The following MACF1 variants were observed in gnomAD, a reference collection of about 807,000 sequenced individuals.
The protein encoded by MACF1 is microtubule actin crosslinking factor 1.
MACF1 carries 193 observed loss-of-function variants against 854.8 expected under a neutral mutation model. That is an observed-to-expected ratio of 0.23 (90% confidence interval 0.20 to 0.25). The LOEUF (loss-of-function observed/expected upper bound fraction) is 0.25, where lower values mean the gene tolerates loss of function less well. Among genes scored for constraint, MACF1 ranks in the 10% least tolerant of loss-of-function variants. MACF1 has a pLI of 1.00. For missense variants in MACF1, 7,722 were observed against 8,929.1 expected (o/e 0.86, Z 5.45); for synonymous variants, 3,185 against 3,226.7 (o/e 0.99, Z 0.44).
chr1:39,431,123 A>G (rs567077680), intron 66 of MACF1, among the ~76,000 whole-genome samples: 26 of 152,302 alleles, frequency 1.7e-4, no homozygotes, highest in African/African-American at 6.0e-4. Context: ...TTGAGTAGAG[A>G]AGTACTTGGA....
chr1:39,231,480 T>G (rs114773878), intron 2 of MACF1, among the ~76,000 whole-genome samples: 3,032 of 152,242 alleles, frequency 0.02, 107 homozygotes, highest in African/African-American at 0.07. Flanking sequence ...GCCTCCAAAG[T>G]GCTGGGATTA....
At chr1:39,436,565 T>A in intron 70 of MACF1, 2 of 1,360,962 alleles carry the variant, frequency 1.5e-6, no homozygotes, top group Non-Finnish European at 2.1e-6. Flanking sequence ...TGTAAGGGAA[T>A]TTCCCTTAAC....
chr1:39,163,141 A>G (rs897423488), intron 2 of MACF1, among the ~76,000 whole-genome samples: 2 of 152,124 alleles, frequency 1.3e-5, no homozygotes, highest in African/African-American at 2.4e-5. Context: ...TCACGAGGTC[A>G]GGAGATCCAG....
chr1:39,368,030 C>A, intron 49 of MACF1, 118 bp from the exon 50 acceptor site: 3 of 614,242 alleles, frequency 4.9e-6, no homozygotes, highest in Non-Finnish European at 7.9e-6. Flanking sequence ...CACTGAGTTG[C>A]ATATTTATTG....
intron 2 of MACF1, among the ~76,000 whole-genome samples, chr1:39,132,263 A>T (rs556115516): frequency 6.6e-6 from 1 of 152,338 alleles, no homozygotes; most frequent in African/African-American, 2.4e-5. Flanking sequence ...ACACCCAGTC[A>T]CAACCTCAGG....
intron 43 of MACF1, among the ~76,000 whole-genome samples, chr1:39,352,412 T>C (rs1210899568): frequency 6.6e-6 from 1 of 152,212 alleles, no homozygotes; most frequent in Non-Finnish European, 1.5e-5. Context: ...GTGCTATTTC[T>C]TACCCTACCA....
At chr1:39,086,391 C>A (rs892466375) in intron 2 of MACF1, among the ~76,000 whole-genome samples, 1 of 152,144 alleles carries the variant, frequency 6.6e-6, no homozygotes, top group Admixed American at 6.5e-5. Context: ...TAGTGGGCAA[C>A]GAGGAGTCCT....
At chr1:39,137,878 A>G (rs1390613252) in intron 2 of MACF1, among the ~76,000 whole-genome samples, 1 of 151,778 alleles carries the variant, frequency 6.6e-6, no homozygotes, top group Non-Finnish European at 1.5e-5. Flanking sequence ...GTTTGAGACC[A>G]GCCTGGCCAA....
chr1:39,200,019 T>C (rs1023471727), upstream of MACF1, among the ~76,000 whole-genome samples: 3 of 152,222 alleles, frequency 2.0e-5, no homozygotes, highest in African/African-American at 7.2e-5. Flanking sequence ...TTTTTCCCTG[T>C]CCTTGATTAT....
At chr1:39,426,843 G>GT (rs552366113) in intron 61 of MACF1, among the ~76,000 whole-genome samples, 127 of 151,098 alleles carry the variant, frequency 8.4e-4, no homozygotes, top group African/African-American at 2.8e-3. Flanking sequence ...TTTCTTTTTT[G>GT]TTTTTTTGCC....
At position 39,461,203 on chromosome 1, in the gene MACF1, A is replaced by G. The variant is rs540542975; in HGVS notation, c.21523+409A>G. ...TATAAATAGTCACACTTCCCTTTGT[A>G]TAGCAATTTGTTTAGAATCTAAGAC... On this transcript the variant is annotated intron_variant, in intron 92 of 100. Coordinates refer to ENST00000564288, the MANE Select transcript of MACF1 (RefSeq NM_001394062.1). 3.3e-5 allele frequency among the ~76,000 whole-genome samples: 5 copies of G among 152,208 alleles called. 1 individual carries two copies. In the South Asian group the frequency reaches 1.0e-3, roughly 32 times the overall value.
intron 66 of MACF1, among the ~76,000 whole-genome samples, chr1:39,431,600 G>A (rs956344983): frequency 6.6e-6 from 1 of 152,132 alleles, no homozygotes; most frequent in African/African-American, 2.4e-5. Context: ...ATTTCAATAT[G>A]AAATGTATTG....
In MACF1 at chr1:39,443,430, A is replaced by G. The variant is rs757014891; in HGVS notation, c.19303-16A>G. ...AAATGACTACTGACATGGTTGATAT[A>G]TCTTTTTCTCAAAAGGCCCAGGGCT... On this transcript the variant is annotated splice_polypyrimidine_tract_variant and intron_variant, in intron 78 of 100. Transcript: ENST00000564288. The G allele has an allele frequency of 6.2e-7, 1 of 1,600,336 alleles. No homozygotes were observed. Among genetic ancestry groups the G allele is most frequent in the South Asian group, 1.1e-5 (1 of 88,584 alleles).
chr1:39,418,738 C>T (rs1006301908), intron 58 of MACF1, among the ~76,000 whole-genome samples: 1 of 152,134 alleles, frequency 6.6e-6, no homozygotes, highest in African/African-American at 2.4e-5. Context: ...TGGCGCATGC[C>T]TGTAGTCCCC....
At chr1:39,369,308 T>G (rs1381064580) in intron 50 of MACF1, among the ~76,000 whole-genome samples, 3 of 152,204 alleles carry the variant, frequency 2.0e-5, no homozygotes, top group Non-Finnish European at 4.4e-5. Flanking sequence ...TGAACAAGAC[T>G]TCTTATCTAA....
rs1329094581 is a variant in MACF1 at position 39,385,623 on chromosome 1, C to G, written c.14038C>G (p.Gln4680Glu). Reference protein sequence around the residue: ...KLNSRSSQIDQAIVKSTQYQE... With the variant: ...KLNSRSSQIDEAIVKSTQYQE... ...CAACTCCCGTTCCAGCCAAATTGAC[C>G]AAGCTATTGTTAAGAGCACCCAGTA... Residue 4680 changes from glutamine to glutamate, a missense_variant, in exon 57 of 101, where the codon CAA (glutamine) becomes GAA (glutamate). By Grantham distance (29) the Gln-to-Glu change is conservative. Transcript: ENST00000564288. 2 of 1,614,104 alleles carry G rather than the reference C, an allele frequency of 1.2e-6. No homozygotes were observed. Among genetic ancestry groups the G allele is most frequent in the Admixed American group, 1.7e-5 (1 of 60,002 alleles).
At chr1:39,434,998 A>G (rs1035232277) in intron 69 of MACF1, among the ~76,000 whole-genome samples, 3 of 152,224 alleles carry the variant, frequency 2.0e-5, no homozygotes, top group Non-Finnish European at 4.4e-5. Context: ...CCATGAGGTA[A>G]TGTCAAAAAA....
chr1:39,431,249 C>A (rs1643871539), intron 66 of MACF1, among the ~76,000 whole-genome samples: 1 of 152,140 alleles, frequency 6.6e-6, no homozygotes, highest in Non-Finnish European at 1.5e-5. Flanking sequence ...CTTAGTTTGA[C>A]ATAATTAACT....
intron 2 of MACF1, among the ~76,000 whole-genome samples, chr1:39,247,882 T>A (rs1349714217): frequency 6.6e-6 from 1 of 151,948 alleles, no homozygotes; most frequent in Non-Finnish European, 1.5e-5. Context: ...ATTAGCTGAT[T>A]GTGGTGGTGC....
Sources: gnomAD v4.1 joint callset for allele counts (sites outside exome capture counted in the v4.1 genomes callset) on GRCh38, gnomAD v4.1.1 for gene constraint, MANE v1.5 for transcripts, NCBI Gene and HGNC (gene_info 2026-07-23, HGNC 2026-07-21) for gene names.